Variants in CLASP1 observed in about 807,000 individuals in gnomAD.
CLASP1 encodes the protein CLIP-associating protein 1.
In CLASP1, 38 loss-of-function variants were observed where a neutral mutation model predicts 192.3. That is an observed-to-expected ratio of 0.20 (90% confidence interval 0.15 to 0.26). CLASP1 has a LOEUF of 0.26. Among genes scored for constraint, CLASP1 ranks in the 10% least tolerant of loss-of-function variants. The pLI is 1.00. For synonymous variants in CLASP1, 691 were observed against 712.8 expected, an observed-to-expected ratio of 0.97 and a Z score of 0.49; for missense variants, 1,433 against 1,932.5, an observed-to-expected ratio of 0.74 and a Z score of 4.85.
At chr2:121,403,959 C>T (rs992524798) in intron 26 of CLASP1, among the ~76,000 whole-genome samples, 15 of 152,206 alleles carry the variant, frequency 9.9e-5, no homozygotes, top group African/African-American at 2.4e-4. Context: ...TTGTCCTATA[C>T]GGACATATTC....
At chr2:121,618,534 T>A (rs1309418130) in intron 1 of CLASP1, among the ~76,000 whole-genome samples, 1 of 152,228 alleles carries the variant, frequency 6.6e-6, no homozygotes, top group African/African-American at 2.4e-5. Context: ...ATTAGAAGGA[T>A]GTCTGATAAT....
At chr2:121,517,424 T>C (rs1250478473) in intron 6 of CLASP1, among the ~76,000 whole-genome samples, 1 of 152,220 alleles carries the variant, frequency 6.6e-6, no homozygotes, top group Admixed American at 6.5e-5. Flanking sequence ...ATAATTTTTA[T>C]CTCTTCCAGT....
chr2:121,591,108 C>T (rs951419031), intron 2 of CLASP1, among the ~76,000 whole-genome samples: 1 of 152,016 alleles, frequency 6.6e-6, no homozygotes, highest in African/African-American at 2.4e-5. Flanking sequence ...CCTCGTGATC[C>T]GCCCGCTTCG....
At chr2:121,396,815 C>T (rs149230145) in intron 30 of CLASP1, among the ~76,000 whole-genome samples, 23 of 152,318 alleles carry the variant, frequency 1.5e-4, no homozygotes, top group African/African-American at 5.5e-4. Context: ...AGCCCTAGAT[C>T]TGCAATTTTA....
intron 2 of CLASP1, among the ~76,000 whole-genome samples, chr2:121,561,209 A>G (rs1385786016): frequency 2.0e-5 from 3 of 152,210 alleles, no homozygotes; most frequent in Non-Finnish European, 4.4e-5. Flanking sequence ...ACGCAGCCCA[A>G]TGTTTTGCAA....
At chr2:121,367,451 T>C (rs553922769) in intron 35 of CLASP1, 137 bp downstream of exon 36, 3 of 1,183,946 alleles carry the variant, frequency 2.5e-6, no homozygotes, top group Non-Finnish European at 3.5e-6. Context: ...AAGTAGTGCC[T>C]GAACAAATGA....
At chr2:121,487,758 C>G (rs1198027571) in intron 8 of CLASP1, among the ~76,000 whole-genome samples, 2 of 152,212 alleles carry the variant, frequency 1.3e-5, no homozygotes, top group African/African-American at 4.8e-5. Flanking sequence ...TTATGCTCCC[C>G]TCCTTTAGAA....
In CLASP1 at chr2:121,555,988, C is replaced by CTTTTTTTTT. The variant is rs34423741; in HGVS notation, c.196-25672_196-25664dup. 1.1e-3 allele frequency among the ~76,000 whole-genome samples: 47 copies of CTTTTTTTTT among 42,396 alleles called. 11 individuals are homozygous for CTTTTTTTTT. The highest frequency in any genetic ancestry group is 4.1e-3 in the African/African-American group (37 of 9,090). The allele number at this position is 42,396 out of a possible 152,430, so 27.8% of individuals were successfully genotyped here. On this transcript the variant is annotated intron_variant, in intron 2 of 39. Transcript: ENST00000263710. Reference sequence around the variant, plus strand: ...CACGGCGCCTGCCCCCTACCCACCGCTTTTTTTTTTTTTTTTTTTTTTTTT... The same window carrying CTTTTTTTTT: ...CACGGCGCCTGCCCCCTACCCACCGCTTTTTTTTTTTTTTTTTTTTTTTTTTTTTTTTTT...
At chr2:121,418,568 G>A in intron 23 of CLASP1, 54 bp downstream of exon 23, 1 of 1,257,716 alleles carries the variant, frequency 8.0e-7, no homozygotes, top group South Asian at 1.2e-5. Context: ...CAGTGTCTCG[G>A]ACAAGCAGGG....
chr2:121,391,349 G>A (rs1295442517), intron 30 of CLASP1, among the ~76,000 whole-genome samples: 2 of 152,196 alleles, frequency 1.3e-5, no homozygotes. Flanking sequence ...CTGAAGTGAG[G>A]ACTGGCAAAC....
At chr2:121,459,892 G>C (rs1003253580) in intron 12 of CLASP1, 88 bp downstream of exon 12, 14 of 1,278,530 alleles carry the variant, frequency 1.1e-5, no homozygotes, top group African/African-American at 1.5e-5. Context: ...ACATTAAAGA[G>C]ACCCAGCTCA....
chr2:121,434,714 G>A (rs778062073), intron 19 of CLASP1, among the ~76,000 whole-genome samples: 3 of 152,084 alleles, frequency 2.0e-5, no homozygotes, highest in Non-Finnish European at 2.9e-5. Context: ...ATTTTGCTGG[G>A]TGCAGTGGCT....
chr2:121,372,511 A>C (rs959972516), intron 34 of CLASP1, among the ~76,000 whole-genome samples: 4 of 152,206 alleles, frequency 2.6e-5, no homozygotes, highest in Admixed American at 2.6e-4. Context: ...ATTTGCTTGG[A>C]TATTCCATAA....
At chr2:121,530,638 G>T in intron 2 of CLASP1, 1 of 517,658 alleles carries the variant, frequency 1.9e-6, no homozygotes, top group South Asian at 2.8e-5. Context: ...GCCCCGCCCC[G>T]GCGAGAAAAG....
chr2:121,595,077 A>C (rs2062968890), intron 2 of CLASP1, among the ~76,000 whole-genome samples: 1 of 152,204 alleles, frequency 6.6e-6, no homozygotes, highest in African/African-American at 2.4e-5. Context: ...TAAGAAATCA[A>C]CTGTGGGGTA....
At chr2:121,398,099 T>C (rs1252108054) in intron 29 of CLASP1, among the ~76,000 whole-genome samples, 5 of 152,232 alleles carry the variant, frequency 3.3e-5, no homozygotes, top group African/African-American at 4.8e-5. Context: ...ATAACCATTT[T>C]AGTGGTTTCT....
chr2:121,528,809 T>C (rs772293066), intron 3 of CLASP1, 29 bp from the exon 4 acceptor site: 1 of 1,561,428 alleles, frequency 6.4e-7, no homozygotes, highest in Non-Finnish European at 8.8e-7. Context: ...ACTGATCAAA[T>C]GAAACCCTAT....
At chr2:121,415,688 A>G (rs2078456007) in intron 23 of CLASP1, among the ~76,000 whole-genome samples, 1 of 152,222 alleles carries the variant, frequency 6.6e-6, no homozygotes, top group Non-Finnish European at 1.5e-5. Flanking sequence ...ATTCACAGTG[A>G]TTATACCACA....
intron 2 of CLASP1, among the ~76,000 whole-genome samples, chr2:121,548,720 G>A (rs1354932489): frequency 6.6e-6 from 1 of 151,710 alleles, no homozygotes; most frequent in Non-Finnish European, 1.5e-5. Context: ...CTTCTCAGCT[G>A]AAACCCTGTA....
Sources: gnomAD v4.1 joint callset for allele counts (sites outside exome capture counted in the v4.1 genomes callset) on GRCh38, gnomAD v4.1.1 for gene constraint, MANE v1.5 for transcripts, NCBI Gene and HGNC (gene_info 2026-07-23, HGNC 2026-07-21) for gene names.